The following MIER1 variants were observed in gnomAD, a reference collection of about 807,000 sequenced individuals.
The protein encoded by MIER1 is MIER1 transcriptional regulator.
MIER1 carries 40 observed loss-of-function variants against 75.7 expected under a neutral mutation model. The observed-to-expected ratio is 0.53, with a 90% CI of 0.41 to 0.69. The LOEUF (loss-of-function observed/expected upper bound fraction) is 0.69, where lower values mean the gene tolerates loss of function less well. Among genes scored for constraint, MIER1 ranks in the 30% least tolerant of loss-of-function variants. The pLI is 0.00. For synonymous variants in MIER1, 213 were observed against 223.4 expected (o/e 0.95, Z 0.42); for missense variants, 574 against 680.2 (o/e 0.84, Z 1.74).
intron 4 of MIER1, chr1:66,947,813 G>C (rs1014491329): frequency 2.0e-6 from 1 of 495,492 alleles, no homozygotes; most frequent in African/African-American, 2.1e-5. Context: ...CACTACCTCT[G>C]TTATAGCCAC....
At chr1:66,961,193 G>T (rs1390675502) in intron 7 of MIER1, among the ~76,000 whole-genome samples, 2 of 152,188 alleles carry the variant, frequency 1.3e-5, no homozygotes, top group East Asian at 1.9e-4. Context: ...TTAAATAATT[G>T]TCAAGGTTCA....
intron 1 of MIER1, 162 bp downstream of exon 1, chr1:66,925,257 C>T (rs1184747228): frequency 1.0e-6 from 1 of 983,900 alleles, no homozygotes; most frequent in Non-Finnish European, 1.2e-6. Context: ...CAGAACGCGC[C>T]TGGCTTGCTC....
intron 2 of MIER1, among the ~76,000 whole-genome samples, chr1:66,934,405 C>CTT (rs34839262): frequency 0.048 from 6,470 of 135,432 alleles, 228 homozygotes; most frequent in Non-Finnish European, 0.057. Flanking sequence ...TTCTTTCTTT[C>CTT]TTTTTTTTTT....
At chr1:66,931,164 T>C (rs1653247320) in intron 2 of MIER1, among the ~76,000 whole-genome samples, 1 of 152,218 alleles carries the variant, frequency 6.6e-6, no homozygotes, top group Non-Finnish European at 1.5e-5. Flanking sequence ...GCTCGTTTTA[T>C]AGTAAACAAG....
chr1:66,926,108 C>G (rs1475605587), intron 1 of MIER1, 34 bp from the exon 2 acceptor site: 1 of 1,535,214 alleles, frequency 6.5e-7, no homozygotes, highest in South Asian at 1.1e-5. Flanking sequence ...GTTTCTGTCT[C>G]CTTGCTACTG....
intron 8 of MIER1, among the ~76,000 whole-genome samples, chr1:66,970,356 A>G (rs552422040): frequency 1.7e-4 from 26 of 152,204 alleles, no homozygotes; most frequent in South Asian, 4.1e-4. Flanking sequence ...TTCTAGACAT[A>G]TTTTCAAAAA....
intron 12 of MIER1, among the ~76,000 whole-genome samples, chr1:66,980,029 G>A (rs1177030840): frequency 6.6e-6 from 1 of 152,206 alleles, no homozygotes; most frequent in Non-Finnish European, 1.5e-5. Flanking sequence ...CTCCCAAAGT[G>A]CTGGGATGAC....
intron 2 of MIER1, among the ~76,000 whole-genome samples, chr1:66,939,403 C>G (rs1397742697): frequency 6.6e-6 from 1 of 152,124 alleles, no homozygotes; most frequent in African/African-American, 2.4e-5. Context: ...AATTGGAAAT[C>G]TGTGCAGTCT....
chr1:66,976,427 T>G (rs1443528408), intron 11 of MIER1, among the ~76,000 whole-genome samples, 168 bp from the exon 12 acceptor site: 2 of 152,256 alleles, frequency 1.3e-5, no homozygotes, highest in African/African-American at 4.8e-5. Flanking sequence ...TCTTAATAGA[T>G]GTTTAGAAAG....
At position 66,976,454 on chromosome 1, in the gene MIER1, G is replaced by A. The variant is rs965406946; in HGVS notation, c.1102-141G>A. 8 of 568,422 alleles carry A rather than the reference G, an allele frequency of 1.4e-5. No homozygotes were observed. The African/African-American group carries it at 1.6e-4, about 11-fold the overall frequency. The allele number at this position is 568,422 out of a possible 1,614,324, so 35.2% of individuals were successfully genotyped here. On this transcript the variant is annotated intron_variant, in intron 11 of 13. Transcript: ENST00000401041. ...TTTAGAAAGAATAGCTTTCAACATA[G>A]CTGCTACACTGTTGTATGTTATATA... is the stretch of plus-strand genomic sequence containing the variant.
At chr1:66,978,952 CT>C (rs1469163942) in intron 12 of MIER1, among the ~76,000 whole-genome samples, 2 of 152,132 alleles carry the variant, frequency 1.3e-5, no homozygotes, top group African/African-American at 4.8e-5. Context: ...GTTAAATATT[CT>C]TTAGGTAGAG....
intron 4 of MIER1, among the ~76,000 whole-genome samples, chr1:66,952,197 C>A (rs1020620044): frequency 2.6e-5 from 4 of 152,110 alleles, no homozygotes; most frequent in Non-Finnish European, 5.9e-5. Flanking sequence ...TTAACACTTA[C>A]GTGAATGGGA....
At chr1:66,939,265 A>C (rs1481911222) in intron 2 of MIER1, among the ~76,000 whole-genome samples, 2 of 152,170 alleles carry the variant, frequency 1.3e-5, no homozygotes, top group African/African-American at 4.8e-5. Flanking sequence ...ACTAAGATAA[A>C]ACACAACTGC....
chr1:66,986,403 G>A lies in MIER1; in HGVS notation c.*1503G>A, dbSNP rs752186156. 2.1e-5 allele frequency: 34 copies of A among 1,612,238 alleles called. No individual in the cohort carries two copies. Among genetic ancestry groups the A allele is most frequent in the Non-Finnish European group, 2.8e-5 (33 of 1,178,908 alleles). ...AATTATTCTTGTTTTTCTCACACAG[G>A]CATACTCCAAATGCTTCTTCCAGTT... On this transcript the variant is annotated 3_prime_UTR_variant, in exon 14 of 14. Transcript: ENST00000401041.
At position 66,930,495 on chromosome 1, in the gene MIER1, G is replaced by A. The variant is rs1015238734; in HGVS notation, c.168+4253G>A. 1.9e-5 allele frequency: 24 copies of A among 1,296,614 alleles called. No homozygotes were observed. The African/African-American group carries it at 2.9e-4, about 16-fold the overall frequency. The allele number at this position is 1,296,614 out of a possible 1,614,324, so 80.3% of individuals were successfully genotyped here. A position where few individuals can be genotyped will look rare whatever the true frequency, so the allele number is the denominator to read the frequency against. On this transcript the variant is annotated intron_variant, in intron 2 of 13. Coordinates refer to ENST00000401041, the MANE Select transcript of MIER1 (RefSeq NM_001077700.3). ...AGTGGGCCTGGCCAGGAGAGGCCCG[G>A]CCCTGCTGGCGCCGCTGCCCACCTG...
At chr1:66,981,230 C>T (rs1221892623) in intron 12 of MIER1, among the ~76,000 whole-genome samples, 1 of 152,016 alleles carries the variant, frequency 6.6e-6, no homozygotes. Context: ...AGCTCACATA[C>T]AATGAGAAAG....
chr1:66,983,521 C>CT (rs1357664273), intron 13 of MIER1, among the ~76,000 whole-genome samples: 2 of 152,186 alleles, frequency 1.3e-5, no homozygotes, highest in African/African-American at 2.4e-5. Flanking sequence ...ACAGTCAACT[C>CT]TAAAATGAAC....
chr1:66,939,028 C>T (rs552361208), intron 2 of MIER1, among the ~76,000 whole-genome samples: 1 of 152,176 alleles, frequency 6.6e-6, no homozygotes, highest in African/African-American at 2.4e-5. Context: ...TGCCTCTCTT[C>T]CCCATTACTT....
chr1:66,962,030 T>C (rs1172887927), intron 7 of MIER1, among the ~76,000 whole-genome samples: 1 of 152,212 alleles, frequency 6.6e-6, no homozygotes, highest in East Asian at 1.9e-4. Context: ...CCAAAACTTC[T>C]AGACCATGAT....
Sources: gnomAD v4.1 joint callset for allele counts (sites outside exome capture counted in the v4.1 genomes callset) on GRCh38, gnomAD v4.1.1 for gene constraint, MANE v1.5 for transcripts, NCBI Gene and HGNC (gene_info 2026-07-23, HGNC 2026-07-21) for gene names.